The following PCDH15 variants were observed in gnomAD, a reference collection of about 807,000 sequenced individuals.
The protein encoded by PCDH15 is protocadherin related 15.
PCDH15 carries 129 observed loss-of-function variants against 178.5 expected under a neutral mutation model. The ratio of observed to expected loss-of-function variants is 0.72; its 90% CI spans 0.63 to 0.84. The LOEUF (loss-of-function observed/expected upper bound fraction) is 0.84. Ranked by LOEUF, PCDH15 falls within the 40% of genes least tolerant of loss-of-function variation. The pLI, the probability that PCDH15 is intolerant of heterozygous loss-of-function variation, is 0.00. For synonymous variants in PCDH15, 800 were observed against 732.0 expected (o/e 1.09, Z -1.50); for missense variants, 2,230 against 2,099.9 (o/e 1.06, Z -1.21).
intron 1 of PCDH15, among the ~76,000 whole-genome samples, chr10:55,259,585 C>A (rs1044085449): frequency 2.0e-5 from 3 of 152,070 alleles, no homozygotes; most frequent in African/African-American, 7.2e-5. Context: ...TGAGGACATG[C>A]AGATAGCAAG....
chr10:53,917,373 CAT>C (rs1040344175), intron 25 of PCDH15, among the ~76,000 whole-genome samples: 2 of 151,958 alleles, frequency 1.3e-5, no homozygotes, highest in African/African-American at 4.8e-5. Context: ...AATTCTTTGA[CAT>C]ATAATTAAAA....
chr10:54,434,581 A>G (rs2075258398), intron 3 of PCDH15, among the ~76,000 whole-genome samples: 1 of 152,240 alleles, frequency 6.6e-6, no homozygotes, highest in African/African-American at 2.4e-5. Context: ...AGAGGTGTGT[A>G]GCAGGCTATA....
chr10:54,671,989 C>G (rs997687625), intron 1 of PCDH15, among the ~76,000 whole-genome samples: 30 of 152,098 alleles, frequency 2.0e-4, no homozygotes, highest in African/African-American at 7.0e-4. Flanking sequence ...GCTCCGCCTC[C>G]TGTCAGATCA....
intron 2 of PCDH15, among the ~76,000 whole-genome samples, chr10:55,079,097 T>G (rs1213065931): frequency 6.6e-6 from 1 of 152,190 alleles, no homozygotes; most frequent in Non-Finnish European, 1.5e-5. Flanking sequence ...TCTGGGATTT[T>G]GGGACTTTCT....
At chr10:53,953,774 T>C (rs2087327638) in intron 23 of PCDH15, among the ~76,000 whole-genome samples, 1 of 152,068 alleles carries the variant, frequency 6.6e-6, no homozygotes, top group South Asian at 2.1e-4. Context: ...GAAGTAATTT[T>C]TTTGTTCTGT....
At chr10:54,754,942 CTTTTT>C (rs35143502) in intron 1 of PCDH15, among the ~76,000 whole-genome samples, 7 of 33,848 alleles carry the variant, frequency 2.1e-4, no homozygotes, top group African/African-American at 6.3e-4. Context: ...GTTTTTCTTT[CTTTTT>C]TTTTTTTTTT....
chr10:54,046,346 T>G lies in PCDH15; in HGVS notation c.2220+20411A>C, dbSNP rs186058362. Among the ~76,000 whole-genome samples the G allele has an allele frequency of 2.6e-5, 4 of 152,284 alleles. No homozygotes were observed. In the East Asian group the frequency reaches 7.7e-4, roughly 29 times the overall value. On this transcript the variant is annotated intron_variant, in intron 18 of 37. Coordinates refer to ENST00000644397, the MANE Select transcript of PCDH15 (RefSeq NM_001384140.1). Reference sequence around the variant, plus strand: ...GCCAGGAGAAATGATATAAACATATTCACAGCAGCACTGAAGATAACATCC... The same window carrying G: ...GCCAGGAGAAATGATATAAACATATGCACAGCAGCACTGAAGATAACATCC...
intron 2 of PCDH15, among the ~76,000 whole-genome samples, chr10:55,056,113 C>G (rs906436061): frequency 6.6e-6 from 1 of 152,126 alleles, no homozygotes. Flanking sequence ...ATTCCGCATA[C>G]GGGTCAAAGC....
chr10:53,865,676 G>A (rs1564637125), intron 27 of PCDH15, among the ~76,000 whole-genome samples: 1 of 152,150 alleles, frequency 6.6e-6, no homozygotes, highest in Non-Finnish European at 1.5e-5. Flanking sequence ...TGTTAAAAAT[G>A]AGAATGCTCC....
chr10:54,872,799 T>C (rs573712757), intron 3 of PCDH15, among the ~76,000 whole-genome samples: 218 of 152,020 alleles, frequency 1.4e-3, no homozygotes, highest in Admixed American at 5.4e-3. Flanking sequence ...CAATCTCTGA[T>C]AGGCCAGATG....
At chr10:55,551,900 C>T (rs928605458) in intron 2 of PCDH15, among the ~76,000 whole-genome samples, 2 of 151,672 alleles carry the variant, frequency 1.3e-5, no homozygotes, top group Admixed American at 1.3e-4. Flanking sequence ...AACAAAATGT[C>T]CACTTTCCCT....
intron 26 of PCDH15, among the ~76,000 whole-genome samples, chr10:53,898,028 G>A (rs1195214916): frequency 7.8e-6 from 1 of 128,514 alleles, no homozygotes; most frequent in Non-Finnish European, 1.5e-5. Context: ...GTGCAGTGGC[G>A]TGATTTCGGC....
At chr10:55,063,425 G>A (rs191935283) in intron 2 of PCDH15, among the ~76,000 whole-genome samples, 98 of 152,064 alleles carry the variant, frequency 6.4e-4, no homozygotes, top group African/African-American at 2.2e-3. Context: ...GTGGTAGTGA[G>A]AATACAATTT....
intron 2 of PCDH15, among the ~76,000 whole-genome samples, chr10:54,931,441 T>C (rs1462706645): frequency 6.6e-6 from 1 of 152,176 alleles, no homozygotes; most frequent in Non-Finnish European, 1.5e-5. Context: ...TCCACACTAG[T>C]GGGCAACCAG....
chr10:55,546,619 T>C (rs966028245), intron 2 of PCDH15, among the ~76,000 whole-genome samples: 1 of 152,158 alleles, frequency 6.6e-6, no homozygotes, highest in Non-Finnish European at 1.5e-5. Flanking sequence ...AGTATGTTAT[T>C]GTTCTCAGCT....
chr10:54,291,507 C>T (rs1196294473), intron 8 of PCDH15, among the ~76,000 whole-genome samples: 1 of 152,066 alleles, frequency 6.6e-6, no homozygotes, highest in Non-Finnish European at 1.5e-5. Context: ...ACACAAAAAA[C>T]CCTCCAAAAA....
At chr10:54,644,933 A>G (rs908364326) in intron 2 of PCDH15, among the ~76,000 whole-genome samples, 3 of 152,154 alleles carry the variant, frequency 2.0e-5, no homozygotes, top group African/African-American at 7.2e-5. Flanking sequence ...ATGCGGCAAC[A>G]GGCACCATCT....
At chr10:54,662,873 C>A (rs888091429) in intron 2 of PCDH15, among the ~76,000 whole-genome samples, 6 of 151,932 alleles carry the variant, frequency 3.9e-5, no homozygotes, top group Admixed American at 3.3e-4. Flanking sequence ...AACTCTTTTT[C>A]ATTTCAATGT....
intron 2 of PCDH15, among the ~76,000 whole-genome samples, chr10:55,038,134 C>T (rs1021088147): frequency 1.3e-5 from 2 of 152,096 alleles, no homozygotes; most frequent in Non-Finnish European, 2.9e-5. Flanking sequence ...CCTGTTTATA[C>T]ACACACAACA....
Sources: gnomAD v4.1 joint callset for allele counts (sites outside exome capture counted in the v4.1 genomes callset) on GRCh38, gnomAD v4.1.1 for gene constraint, MANE v1.5 for transcripts, NCBI Gene and HGNC (gene_info 2026-07-23, HGNC 2026-07-21) for gene names.